Variants in HS6ST3 observed in about 807,000 individuals in gnomAD.
The protein encoded by HS6ST3 is heparan-sulfate 6-O-sulfotransferase 3.
In HS6ST3, 12 loss-of-function variants were observed where a neutral mutation model predicts 36.7. The ratio of observed to expected loss-of-function variants is 0.33; its 90% CI spans 0.21 to 0.53. The LOEUF is 0.53. Among genes scored for constraint, HS6ST3 ranks in the 20% least tolerant of loss-of-function variants. The pLI is 0.95. For synonymous variants in HS6ST3, 240 were observed against 257.5 expected, an observed-to-expected ratio of 0.93 and a Z score of 0.65; for missense variants, 584 against 640.9, an observed-to-expected ratio of 0.91 and a Z score of 0.96.
intron 1 of HS6ST3, among the ~76,000 whole-genome samples, chr13:96,628,399 T>C (rs1232670119): frequency 1.3e-5 from 2 of 152,064 alleles, no homozygotes; most frequent in Non-Finnish European, 2.9e-5. Context: ...TTTTGAAATA[T>C]ATTGAGACTT....
chr13:96,634,942 C>T (rs1041033753), intron 1 of HS6ST3, among the ~76,000 whole-genome samples: 2 of 151,240 alleles, frequency 1.3e-5, no homozygotes, highest in Non-Finnish European at 2.9e-5. Flanking sequence ...TCACATATCC[C>T]AAGGCCCAGT....
chr13:96,242,907 C>T (rs1373958694), intron 1 of HS6ST3, among the ~76,000 whole-genome samples: 2 of 152,144 alleles, frequency 1.3e-5, no homozygotes, highest in African/African-American at 2.4e-5. Flanking sequence ...GTATTTTTCA[C>T]AGTAGCCAAG....
chr13:96,590,556 A>G (rs1418065964), intron 1 of HS6ST3, among the ~76,000 whole-genome samples: 2 of 150,880 alleles, frequency 1.3e-5, no homozygotes, highest in Non-Finnish European at 3.0e-5. Context: ...TTTCTTGTAG[A>G]GTTGTTTGAG....
At chr13:96,333,963 A>G (rs1214023469) in intron 1 of HS6ST3, among the ~76,000 whole-genome samples, 1 of 152,114 alleles carries the variant, frequency 6.6e-6, no homozygotes, top group African/African-American at 2.4e-5. Context: ...GCTTATTTGA[A>G]TAATTCTGCA....
At chr13:96,187,843 A>G (rs528025576) in intron 1 of HS6ST3, among the ~76,000 whole-genome samples, 1 of 152,286 alleles carries the variant, frequency 6.6e-6, no homozygotes, top group African/African-American at 2.4e-5. Context: ...TTGCTACCCA[A>G]GTGGTAGAAT....
At chr13:96,620,947 T>C (rs559325412) in intron 1 of HS6ST3, among the ~76,000 whole-genome samples, 1 of 152,288 alleles carries the variant, frequency 6.6e-6, no homozygotes, top group South Asian at 2.1e-4. Flanking sequence ...TTATTGCCAG[T>C]TCACTGCTGA....
chr13:96,420,584 T>A (rs2139467855), intron 1 of HS6ST3, among the ~76,000 whole-genome samples: 1 of 152,348 alleles, frequency 6.6e-6, no homozygotes, highest in African/African-American at 2.4e-5. Context: ...ACATAGCCGA[T>A]AATTGATGGT....
chr13:96,432,184 G>C (rs1284171887), intron 1 of HS6ST3, among the ~76,000 whole-genome samples: 1 of 152,120 alleles, frequency 6.6e-6, no homozygotes, highest in East Asian at 1.9e-4. Context: ...GACCAGCTAA[G>C]GTGCTCTCTT....
intron 1 of HS6ST3, among the ~76,000 whole-genome samples, chr13:96,414,705 C>T (rs1280553545): frequency 1.3e-5 from 2 of 152,204 alleles, no homozygotes; most frequent in African/African-American, 4.8e-5. Context: ...TGGTTTAGAA[C>T]TTCTGACCTC....
chr13:96,609,268 C>A (rs567939679), intron 1 of HS6ST3, among the ~76,000 whole-genome samples: 2 of 152,006 alleles, frequency 1.3e-5, no homozygotes, highest in East Asian at 3.9e-4. Context: ...CCACGGCCGG[C>A]CTCTTTTATT....
At chr13:96,139,979 G>A (rs1382047313) in intron 1 of HS6ST3, among the ~76,000 whole-genome samples, 1 of 152,026 alleles carries the variant, frequency 6.6e-6, no homozygotes, top group African/African-American at 2.4e-5. Flanking sequence ...ATATTGGAAA[G>A]TTTTTTTGAG....
At chr13:96,565,509 A>G (rs1349396802) in intron 1 of HS6ST3, among the ~76,000 whole-genome samples, 1 of 152,098 alleles carries the variant, frequency 6.6e-6, no homozygotes, top group African/African-American at 2.4e-5. Context: ...AAAGTTTGAA[A>G]CCAAGAGGCC....
At chr13:96,377,483 C>G (rs1311533020) in intron 1 of HS6ST3, among the ~76,000 whole-genome samples, 1 of 152,096 alleles carries the variant, frequency 6.6e-6, no homozygotes, top group Admixed American at 6.6e-5. Context: ...TGGTAGTTCT[C>G]AAGTATTTTT....
chr13:96,439,614 C>G (rs1382978066), intron 1 of HS6ST3, among the ~76,000 whole-genome samples: 1 of 152,168 alleles, frequency 6.6e-6, no homozygotes. Context: ...CCTCAGTTTC[C>G]TGTAAACTGT....
intron 1 of HS6ST3, among the ~76,000 whole-genome samples, chr13:96,638,491 T>C (rs976729866): frequency 6.6e-6 from 1 of 152,036 alleles, no homozygotes; most frequent in African/African-American, 2.4e-5. Flanking sequence ...TCTTGAAATA[T>C]AGTTCCCATA....
At chr13:96,110,908 C>T (rs1187362762) in intron 1 of HS6ST3, among the ~76,000 whole-genome samples, 1 of 152,232 alleles carries the variant, frequency 6.6e-6, no homozygotes, top group Non-Finnish European at 1.5e-5. Context: ...AACTTACTTA[C>T]CTTTCCAAGG....
chr13:96,466,060 A>G (rs1161370657), intron 1 of HS6ST3, among the ~76,000 whole-genome samples: 1 of 152,068 alleles, frequency 6.6e-6, no homozygotes, highest in Non-Finnish European at 1.5e-5. Flanking sequence ...AGGCGGGCAG[A>G]TCATGAGGTC....
chr13:96,338,400 A>G (rs976684797), intron 1 of HS6ST3, among the ~76,000 whole-genome samples: 1 of 152,058 alleles, frequency 6.6e-6, no homozygotes, highest in African/African-American at 2.4e-5. Flanking sequence ...GCAGATTTTC[A>G]CTTATCCCTG....
chr13:96,337,292 G>T (rs2055106678), intron 1 of HS6ST3, among the ~76,000 whole-genome samples: 1 of 152,238 alleles, frequency 6.6e-6, no homozygotes, highest in South Asian at 2.1e-4. Context: ...AGCCAGGATG[G>T]TCTTGATCTC....
Sources: gnomAD v4.1 joint callset for allele counts (sites outside exome capture counted in the v4.1 genomes callset) on GRCh38, gnomAD v4.1.1 for gene constraint, MANE v1.5 for transcripts, NCBI Gene and HGNC (gene_info 2026-07-23, HGNC 2026-07-21) for gene names.